LHFPL3: variants seen among roughly 807,000 people sequenced by gnomAD.
The protein encoded by LHFPL3 is LHFPL tetraspan subfamily member 3 protein.
LHFPL3 carries 5 observed loss-of-function variants against 19.3 expected under a neutral mutation model. The observed-to-expected ratio is 0.26, with a 90% CI of 0.14 to 0.54. LHFPL3 has a LOEUF of 0.54. Ranked by LOEUF, LHFPL3 falls within the 20% of genes least tolerant of loss-of-function variation. The pLI is 0.94. For synonymous variants in LHFPL3, 133 were observed against 126.2 expected, an observed-to-expected ratio of 1.05 and a Z score of -0.36; for missense variants, 249 against 307.4, an observed-to-expected ratio of 0.81 and a Z score of 1.42.
chr7:104,887,093 T>C (rs1792164308), intron 2 of LHFPL3, among the ~76,000 whole-genome samples: 1 of 152,258 alleles, frequency 6.6e-6, no homozygotes. Context: ...AAACTTGTTA[T>C]ACTGGCAGCC....
At chr7:104,467,855 C>T (rs1376511366) in intron 1 of LHFPL3, among the ~76,000 whole-genome samples, 1 of 152,164 alleles carries the variant, frequency 6.6e-6, no homozygotes, top group East Asian at 1.9e-4. Context: ...CCTTCTCTTC[C>T]TTCTCTTTCT....
chr7:104,553,202 A>T (rs955721992), intron 1 of LHFPL3, among the ~76,000 whole-genome samples: 2 of 152,178 alleles, frequency 1.3e-5, no homozygotes, highest in Non-Finnish European at 2.9e-5. Context: ...GATGTTTTGC[A>T]ATATCCTTTC....
chr7:104,347,047 T>C (rs1790081078), intron 1 of LHFPL3, among the ~76,000 whole-genome samples: 1 of 110,046 alleles, frequency 9.1e-6, no homozygotes, highest in Non-Finnish European at 1.8e-5. Context: ...AGTTTCCTCA[T>C]CTGTAAAATG....
chr7:104,586,545 T>C (rs1790582471), intron 1 of LHFPL3, among the ~76,000 whole-genome samples: 1 of 152,166 alleles, frequency 6.6e-6, no homozygotes, highest in South Asian at 2.1e-4. Context: ...TACATTTTTT[T>C]CTATTACCTC....
At chr7:104,456,157 G>C (rs1223400482) in intron 1 of LHFPL3, among the ~76,000 whole-genome samples, 2 of 152,020 alleles carry the variant, frequency 1.3e-5, no homozygotes, top group Non-Finnish European at 2.9e-5. Context: ...ACGTAACTAT[G>C]TATATACCTT....
At chr7:104,770,447 C>T (rs1794531801) in intron 2 of LHFPL3, among the ~76,000 whole-genome samples, 1 of 152,176 alleles carries the variant, frequency 6.6e-6, no homozygotes. Context: ...AGAAGTATAC[C>T]ATTAACACTG....
chr7:104,568,500 C>A (rs1377901304), intron 1 of LHFPL3, among the ~76,000 whole-genome samples: 4 of 152,194 alleles, frequency 2.6e-5, no homozygotes, highest in Non-Finnish European at 5.9e-5. Context: ...GCCAAGGCCA[C>A]ATAATGAATT....
chr7:104,495,545 G>A (rs1219693710), intron 1 of LHFPL3, among the ~76,000 whole-genome samples: 3 of 152,126 alleles, frequency 2.0e-5, no homozygotes, highest in Admixed American at 6.5e-5. Flanking sequence ...CACCACGCTT[G>A]GCTAATTTTT....
At position 104,667,980 on chromosome 7, in the gene LHFPL3, C is replaced by T. The variant is rs908933931; in HGVS notation, c.446-68695C>T. ...CCGTTCCATCCTTCCCACTGCTCCA[C>T]GGGCTGCTCGGGAACCCAATATCGA... is the stretch of plus-strand genomic sequence containing the variant. On this transcript the variant is annotated intron_variant, in intron 1 of 2. Coordinates refer to ENST00000424859, the MANE Select transcript of LHFPL3 (RefSeq NM_199000.3). 350 of 1,613,326 alleles carry T rather than the reference C, an allele frequency of 2.2e-4. 1 individual carries two copies. Among genetic ancestry groups the T allele is most frequent in the Middle Eastern group, 3.5e-4 (2 of 5,690 alleles).
chr7:104,476,761 G>C (rs970148139), intron 1 of LHFPL3, among the ~76,000 whole-genome samples: 1 of 151,798 alleles, frequency 6.6e-6, no homozygotes, highest in African/African-American at 2.4e-5. Flanking sequence ...CGCCCGGCCA[G>C]CTTCCTGCTT....
intron 1 of LHFPL3, among the ~76,000 whole-genome samples, chr7:104,335,136 G>A (rs1437623724): frequency 6.6e-6 from 1 of 152,190 alleles, no homozygotes; most frequent in Non-Finnish European, 1.5e-5. Context: ...GTACTCAGGT[G>A]TAGACTCAGT....
chr7:104,899,284 G>GT, intron 2 of LHFPL3, among the ~76,000 whole-genome samples: 1 of 152,242 alleles, frequency 6.6e-6, no homozygotes, highest in African/African-American at 2.4e-5. Context: ...CTTCTCTAGA[G>GT]TTACCCAGCT....
At chr7:104,365,841 A>G (rs1790484517) in intron 1 of LHFPL3, among the ~76,000 whole-genome samples, 1 of 151,650 alleles carries the variant, frequency 6.6e-6, no homozygotes, top group African/African-American at 2.4e-5. Flanking sequence ...TCTTCCTAGA[A>G]TGTGTGGGCG....
intron 1 of LHFPL3, among the ~76,000 whole-genome samples, chr7:104,427,630 G>T (rs1791874569): frequency 2.6e-5 from 4 of 152,140 alleles, no homozygotes; most frequent in Admixed American, 1.3e-4. Flanking sequence ...CCACAGCCTG[G>T]CTTCTTCTCT....
intron 1 of LHFPL3, among the ~76,000 whole-genome samples, chr7:104,416,227 A>G (rs1220362747): frequency 6.6e-6 from 1 of 152,190 alleles, no homozygotes. Flanking sequence ...AAGGAATTCC[A>G]AGGATTGCTG....
At chr7:104,441,492 T>C (rs982947360) in intron 1 of LHFPL3, among the ~76,000 whole-genome samples, 3 of 152,348 alleles carry the variant, frequency 2.0e-5, no homozygotes, top group Non-Finnish European at 4.4e-5. Context: ...TGGATATTTA[T>C]GTTGTTTCCA....
chr7:104,380,639 A>C (rs918696185), intron 1 of LHFPL3, among the ~76,000 whole-genome samples: 1 of 152,196 alleles, frequency 6.6e-6, no homozygotes, highest in East Asian at 1.9e-4. Context: ...CTACAAAAGA[A>C]GAAAGAGTCA....
At chr7:104,472,512 T>C (rs540786117) in intron 1 of LHFPL3, among the ~76,000 whole-genome samples, 4 of 152,326 alleles carry the variant, frequency 2.6e-5, no homozygotes, top group African/African-American at 9.6e-5. Context: ...TACTATAGCA[T>C]CCTCATGCAT....
intron 1 of LHFPL3, among the ~76,000 whole-genome samples, chr7:104,689,639 C>T (rs1792872620): frequency 6.6e-6 from 1 of 152,160 alleles, no homozygotes; most frequent in Non-Finnish European, 1.5e-5. Context: ...CCAACAAGAC[C>T]TCCAGCCTTT....
Sources: allele counts gnomAD v4.1 joint callset (sites outside exome capture counted in the v4.1 genomes callset), GRCh38; gene constraint gnomAD v4.1.1; transcripts MANE v1.5; gene names NCBI Gene and HGNC (gene_info 2026-07-23, HGNC 2026-07-21).